The following KYNU variants were observed in gnomAD, a reference collection of about 807,000 sequenced individuals.
KYNU encodes the protein L-kynurenine hydrolase.
A neutral mutation model predicts 59.2 loss-of-function variants in KYNU; 54 were observed. The observed-to-expected ratio is 0.91, with a 90% CI of 0.73 to 1.14. KYNU has a LOEUF of 1.14. Among genes scored for constraint, KYNU ranks in the 50% most tolerant of loss-of-function variants. KYNU has a pLI of 0.00. For synonymous variants in KYNU, 177 were observed against 192.0 expected (o/e 0.92, Z 0.65); for missense variants, 567 against 554.4 (o/e 1.02, Z -0.23).
chr2:143,038,966 T>A (rs1686962878), intron 12 of KYNU, among the ~76,000 whole-genome samples: 1 of 152,176 alleles, frequency 6.6e-6, no homozygotes, highest in Non-Finnish European at 1.5e-5. Flanking sequence ...CATTTAGTTC[T>A]TATACATAGG....
chr2:143,006,651 T>A (rs1404711476), intron 10 of KYNU, among the ~76,000 whole-genome samples: 1 of 149,538 alleles, frequency 6.7e-6, no homozygotes, highest in Non-Finnish European at 1.5e-5. Flanking sequence ...GACTTAAATG[T>A]CCCTGTCTGA....
At position 143,050,014 on chromosome 2, in the gene KYNU, A is replaced by C. The variant is rs1402248349; in HGVS notation, c.*7842A>C. 6.8e-6 allele frequency: 1 copy of C among 148,118 alleles called. No individual in the cohort carries two copies. Among genetic ancestry groups the C allele is most frequent in the East Asian group, 1.9e-4 (1 of 5,160 alleles). 9.2% of individuals were successfully genotyped at this position (148,118 alleles called of 1,614,324 possible). A position where few individuals can be genotyped will look rare whatever the true frequency, so the allele number is the denominator to read the frequency against. On this transcript the variant is annotated 3_prime_UTR_variant, in exon 14 of 14. Transcript: ENST00000264170. ...AAGTAGGATTTACCTGAATATATAT[A>C]TAATATATAAACATATATTTATATA... is the stretch of plus-strand genomic sequence containing the variant.
At chr2:142,946,049 A>G (rs1302639399) in intron 4 of KYNU, among the ~76,000 whole-genome samples, 3 of 151,432 alleles carry the variant, frequency 2.0e-5, no homozygotes, top group Non-Finnish European at 4.4e-5. Flanking sequence ...CTTTTTTCCA[A>G]ATTTTTAACT....
intron 10 of KYNU, among the ~76,000 whole-genome samples, chr2:143,018,953 A>G (rs1410952126): frequency 1.3e-5 from 2 of 152,126 alleles, no homozygotes; most frequent in African/African-American, 4.8e-5. Flanking sequence ...ATTGATGTAT[A>G]GAAGTGCTAC....
At chr2:142,980,004 T>G (rs1219720335) in intron 8 of KYNU, among the ~76,000 whole-genome samples, 2 of 152,028 alleles carry the variant, frequency 1.3e-5, no homozygotes, top group Non-Finnish European at 2.9e-5. Context: ...TTTTTATGGT[T>G]ATTATATTTC....
chr2:143,006,218 A>G (rs1340085339), intron 10 of KYNU, among the ~76,000 whole-genome samples: 1 of 151,972 alleles, frequency 6.6e-6, no homozygotes, highest in Admixed American at 6.6e-5. Context: ...GCGAGCCGAA[A>G]CAGGGCGAGG....
intron 10 of KYNU, among the ~76,000 whole-genome samples, chr2:143,011,290 C>G (rs759616575): frequency 0.013 from 1,567 of 124,982 alleles, 90 homozygotes; most frequent in Non-Finnish European, 0.017. Context: ...GACATTTATG[C>G]AGCCAAAAAA....
chr2:142,958,679 C>T (rs1684244972), intron 7 of KYNU, among the ~76,000 whole-genome samples: 1 of 152,150 alleles, frequency 6.6e-6, no homozygotes, highest in Non-Finnish European at 1.5e-5. Context: ...CTAATAATCA[C>T]ATAAGTGACC....
chr2:142,910,287 C>A (rs942092458), intron 2 of KYNU, among the ~76,000 whole-genome samples: 1 of 151,902 alleles, frequency 6.6e-6, no homozygotes, highest in Non-Finnish European at 1.5e-5. Flanking sequence ...CAGGCCTCTG[C>A]CACCAAACCT....
chr2:143,013,687 A>G (rs1318213058), intron 10 of KYNU, among the ~76,000 whole-genome samples: 1 of 152,064 alleles, frequency 6.6e-6, no homozygotes, highest in African/African-American at 2.4e-5. Flanking sequence ...AAGCTTAGTG[A>G]CTTTTGTTGT....
rs1470350611 is a variant in KYNU at position 143,049,885 on chromosome 2, T to G, written c.*7713T>G. On this transcript the variant is annotated 3_prime_UTR_variant, in exon 14 of 14. Transcript: ENST00000264170. The stretch of plus-strand genomic sequence containing the variant: ...CCTTTTGAATTCTTTGAAAACTGAG[T>G]TAAGTCTGATTTTCCAGAGTTTTTA... 1 of 152,016 alleles carries G rather than the reference T, an allele frequency of 6.6e-6. No homozygotes were observed. The highest frequency in any genetic ancestry group is 1.5e-5 in the Non-Finnish European group (1 of 67,988). 9.4% of individuals were successfully genotyped at this position (152,016 alleles called of 1,614,324 possible). A position where few individuals can be genotyped will look rare whatever the true frequency, so the allele number is the denominator to read the frequency against.
At chr2:143,005,986 T>C (rs1342310469) in intron 10 of KYNU, among the ~76,000 whole-genome samples, 1 of 152,170 alleles carries the variant, frequency 6.6e-6, no homozygotes, top group Non-Finnish European at 1.5e-5. Flanking sequence ...AGAATACTAA[T>C]GGCTCTGGGA....
At chr2:142,946,963 A>T in intron 4 of KYNU, 1 of 1,332,088 alleles carries the variant, frequency 7.5e-7, no homozygotes, top group Non-Finnish European at 1.0e-6. Context: ...TTCACCTTGT[A>T]CTTTTTGTAT....
At chr2:142,944,892 C>A (rs1267432538) in intron 4 of KYNU, among the ~76,000 whole-genome samples, 1 of 152,160 alleles carries the variant, frequency 6.6e-6, no homozygotes, top group East Asian at 1.9e-4. Context: ...TTAAACAGTA[C>A]ATACAAAAGT....
intron 2 of KYNU, among the ~76,000 whole-genome samples, chr2:142,913,587 T>G (rs1558917942): frequency 6.6e-6 from 1 of 152,228 alleles, no homozygotes; most frequent in Non-Finnish European, 1.5e-5. Flanking sequence ...TTTTTTGAAT[T>G]TATTGAGACT....
chr2:142,963,883 A>T (rs1346680034), intron 8 of KYNU, among the ~76,000 whole-genome samples: 2 of 152,220 alleles, frequency 1.3e-5, no homozygotes, highest in African/African-American at 2.4e-5. Flanking sequence ...GAATATTTGC[A>T]TTATACTTAC....
chr2:143,048,722 T>C lies in KYNU; in HGVS notation c.*6550T>C, dbSNP rs753535742. The C allele has an allele frequency of 6.6e-6, 1 of 152,178 alleles. No homozygotes were observed. The highest frequency in any genetic ancestry group is 1.5e-5 in the Non-Finnish European group (1 of 68,026). The allele number at this position is 152,178 out of a possible 1,614,324, so 9.4% of individuals were successfully genotyped here. ...CTTTCAGGAAGTAGAAAATATTAAGTTACAGTATTTTGGCTTCCATTACTG... is the reference window on the plus strand; with the variant it reads ...CTTTCAGGAAGTAGAAAATATTAAGCTACAGTATTTTGGCTTCCATTACTG... On this transcript the variant is annotated 3_prime_UTR_variant, in exon 14 of 14. Transcript: ENST00000264170.
At chr2:142,975,991 G>C (rs1455698394) in intron 8 of KYNU, among the ~76,000 whole-genome samples, 1 of 152,076 alleles carries the variant, frequency 6.6e-6, no homozygotes, top group African/African-American at 2.4e-5. Context: ...AATGTCACAG[G>C]TGCGACTAGC....
rs1687343387 is a variant in KYNU, at chr2:143,055,695, AGG to A, written c.*13524_*13525del. ...GGAAGGAAGGAAGGAAAGGGAGGAGAGGAGAGGAGAGGTAGGAGGGAAGAAGA... is the reference window on the plus strand; with the variant it reads ...GGAAGGAAGGAAGGAAAGGGAGGAGAAGAGGAGAGGTAGGAGGGAAGAAGA... On this transcript the variant is annotated 3_prime_UTR_variant, in exon 14 of 14. Coordinates refer to ENST00000264170, the MANE Select transcript of KYNU (RefSeq NM_003937.3). 1 of 150,066 alleles carries A rather than the reference AGG, an allele frequency of 6.7e-6. No individual in the cohort carries two copies. Among genetic ancestry groups the A allele is most frequent in the Non-Finnish European group, 1.5e-5 (1 of 67,228 alleles). 9.3% of individuals were successfully genotyped at this position (150,066 alleles called of 1,614,324 possible). A position where few individuals can be genotyped will look rare whatever the true frequency, so the allele number is the denominator to read the frequency against.
Sources: gnomAD v4.1 joint callset for allele counts (sites outside exome capture counted in the v4.1 genomes callset) on GRCh38, gnomAD v4.1.1 for gene constraint, MANE v1.5 for transcripts, NCBI Gene and HGNC (gene_info 2026-07-23, HGNC 2026-07-21) for gene names.